Variants in ZFP91 observed in about 807,000 individuals in gnomAD.
The protein encoded by ZFP91 is E3 ubiquitin-protein ligase ZFP91.
A neutral mutation model predicts 63.5 loss-of-function variants in ZFP91; 7 were observed. The observed-to-expected ratio is 0.11, with a 90% confidence interval of 0.06 to 0.21. The LOEUF (loss-of-function observed/expected upper bound fraction) is 0.21. Among genes scored for constraint, ZFP91 ranks in the 10% least tolerant of loss-of-function variants. The pLI is 1.00. For synonymous variants in ZFP91, 330 were observed against 272.1 expected (o/e 1.21, Z -2.10); for missense variants, 628 against 736.6 (o/e 0.85, Z 1.71).
At chr11:58,610,372 G>A (rs759445112) in intron 4 of ZFP91, 38 bp downstream of exon 4, 81 of 1,542,428 alleles carry the variant, frequency 5.3e-5, no homozygotes, top group Non-Finnish European at 6.7e-5. Flanking sequence ...TAAACCTTTG[G>A]GGACATAGCA....
At position 58,585,270 on chromosome 11, in the gene ZFP91, GAATAATTA is replaced by G. The variant is rs1364037873; in HGVS notation, c.370+390_370+397del. The stretch of plus-strand genomic sequence containing the variant: ...GAGTGTTCTAAGAATTCAGCCTGGT[GAATAATTA>G]AATTAGGTCAATATTAGGTCATTTT... On this transcript the variant is annotated intron_variant, in intron 2 of 10. Coordinates refer to ENST00000316059, the MANE Select transcript of ZFP91 (RefSeq NM_053023.5). Among the ~76,000 whole-genome samples, 4 of 152,142 alleles carry G rather than the reference GAATAATTA, an allele frequency of 2.6e-5. No individual in the cohort carries two copies. In the East Asian group the frequency reaches 5.8e-4, roughly 22 times the overall value.
chr11:58,587,626 C>T (rs904048545), intron 2 of ZFP91, among the ~76,000 whole-genome samples: 1 of 152,096 alleles, frequency 6.6e-6, no homozygotes, highest in African/African-American at 2.4e-5. Flanking sequence ...TTTAACTTGG[C>T]TTTATGTTTT....
In ZFP91 at chr11:58,621,524, A is replaced by G. The variant is rs1350055770; in HGVS notation, c.*3818A>G. 6.6e-6 allele frequency among the ~76,000 whole-genome samples: 1 copy of G among 152,140 alleles called. No individual in the cohort carries two copies. Among genetic ancestry groups the G allele is most frequent in the Non-Finnish European group, 1.5e-5 (1 of 68,018 alleles). ...CTGTTACATCTCCCATTTATTGTTT[A>G]CTTTTATAAATTTGCTTCTAAGATG... is the stretch of plus-strand genomic sequence containing the variant. On this transcript the variant is annotated 3_prime_UTR_variant, in exon 11 of 11. Coordinates refer to ENST00000316059, the MANE Select transcript of ZFP91 (RefSeq NM_053023.5).
chr11:58,579,847 C>G (rs541400226), intron 1 of ZFP91, among the ~76,000 whole-genome samples: 25 of 152,198 alleles, frequency 1.6e-4, no homozygotes, highest in African/African-American at 5.8e-4. Flanking sequence ...CCCCACTCCC[C>G]GAAATCATCT....
chr11:58,597,544 T>G (rs1855422997), intron 2 of ZFP91, among the ~76,000 whole-genome samples: 2 of 152,190 alleles, frequency 1.3e-5, no homozygotes, highest in Admixed American at 1.3e-4. Context: ...CATTCTTTGC[T>G]GACATTAAAT....
At chr11:58,581,569 C>T (rs530950446) in intron 1 of ZFP91, among the ~76,000 whole-genome samples, 9 of 152,354 alleles carry the variant, frequency 5.9e-5, no homozygotes, top group East Asian at 1.9e-4. Context: ...CCATATTGGC[C>T]GGGTTGGTCT....
rs570378958 is a variant in ZFP91, at chr11:58,609,386, G to C, written c.371-444G>C. Among the ~76,000 whole-genome samples the C allele has an allele frequency of 4.6e-5, 7 of 152,270 alleles. No homozygotes were observed. In the South Asian group the frequency reaches 1.5e-3, roughly 32 times the overall value. ...ATTAGAGTGAAAAGTACTCCTGTTAGGAATTCCTCTTTAGTAATTTGTTAT... is the reference window on the plus strand; with the variant it reads ...ATTAGAGTGAAAAGTACTCCTGTTACGAATTCCTCTTTAGTAATTTGTTAT... On this transcript the variant is annotated intron_variant, in intron 2 of 10. Coordinates refer to ENST00000316059, the MANE Select transcript of ZFP91 (RefSeq NM_053023.5).
chr11:58,588,492 G>A (rs1855248865), intron 2 of ZFP91, among the ~76,000 whole-genome samples: 1 of 151,996 alleles, frequency 6.6e-6, no homozygotes, highest in South Asian at 2.1e-4. Flanking sequence ...CTAATTTATA[G>A]CTTATGCCTC....
Position 58,619,754 on chromosome 11 carries a change from G to C in ZFP91, c.*2048G>C, listed in dbSNP as rs561831876. 1 of 152,696 alleles carries C rather than the reference G, an allele frequency of 6.5e-6. No individual in the cohort carries two copies. The highest frequency in any genetic ancestry group is 1.5e-5 in the Non-Finnish European group (1 of 68,030). The allele number at this position is 152,696 out of a possible 1,614,324, so 9.5% of individuals were successfully genotyped here. A position where few individuals can be genotyped will look rare whatever the true frequency, so the allele number is the denominator to read the frequency against. ...TAGAAAATGGAATAAAGATAGAAGGGATGTAGAATATGCTTTCCTGCCAAC... is the reference window on the plus strand; with the variant it reads ...TAGAAAATGGAATAAAGATAGAAGGCATGTAGAATATGCTTTCCTGCCAAC... On this transcript the variant is annotated 3_prime_UTR_variant, in exon 11 of 11. Transcript: ENST00000316059.
At chr11:58,595,636 G>A (rs1565219018) in intron 2 of ZFP91, among the ~76,000 whole-genome samples, 1 of 150,582 alleles carries the variant, frequency 6.6e-6, no homozygotes, top group Non-Finnish European at 1.5e-5. Flanking sequence ...GGAATGCAGT[G>A]GTGCGATCTC....
At position 58,617,597 on chromosome 11, in the gene ZFP91, T is replaced by C. The variant is rs1371917628; in HGVS notation, c.1604T>C (p.Phe535Ser). 3 of 1,608,402 alleles carry C rather than the reference T, an allele frequency of 1.9e-6. No individual in the cohort carries two copies. The highest frequency in any genetic ancestry group is 1.7e-5 in the Admixed American group (1 of 59,166). ...RVSLMADGKI[F>S]VGSGSSGGTE... ...AGCCTGATGGCTGATGGGAAGATCT[T>C]TGTGGGAAGCGGCAGCAGTGGAGGC... The change falls in exon 11 of 11, where the codon TTT becomes TCT. Residue 535 changes from phenylalanine (F) to serine (S), a missense_variant. This residue lies in a region of ZFP91 where 115 missense variants were observed against 125.4 expected (regional missense o/e 0.92). Transcript: ENST00000316059. This position sits in a 1 kb window ranked among gnomAD's most constrained non-coding sequence, Gnocchi z 4.2.
rs1369805938 is a variant in ZFP91, at chr11:58,600,422, T to C, written c.371-9408T>C. The stretch of plus-strand genomic sequence containing the variant: ...ATGTTGGTCATATATTCTGGCACTT[T>C]GAATAAAGGTAATAATTATTTTCTT... On this transcript the variant is annotated intron_variant, in intron 2 of 10. Coordinates refer to ENST00000316059, the MANE Select transcript of ZFP91 (RefSeq NM_053023.5). Among the ~76,000 whole-genome samples, 5 of 152,164 alleles carry C rather than the reference T, an allele frequency of 3.3e-5. No individual in the cohort carries two copies. The East Asian group carries it at 5.8e-4, about 18-fold the overall frequency.
At chr11:58,592,931 G>GAGC (rs1446891436) in intron 2 of ZFP91, among the ~76,000 whole-genome samples, 1 of 152,158 alleles carries the variant, frequency 6.6e-6, no homozygotes, top group Non-Finnish European at 1.5e-5. Context: ...GGTGGAGGTG[G>GAGC]AGCAGGTGTG....
chr11:58,587,916 TAATA>T (rs945977992), intron 2 of ZFP91, among the ~76,000 whole-genome samples: 48 of 152,154 alleles, frequency 3.2e-4, no homozygotes, highest in African/African-American at 1.1e-3. Context: ...AATGGAATGA[TAATA>T]AATACTGTAG....
intron 9 of ZFP91, among the ~76,000 whole-genome samples, chr11:58,615,405 T>C (rs1565026101): frequency 6.6e-6 from 1 of 152,076 alleles, no homozygotes; most frequent in African/African-American, 2.4e-5. Flanking sequence ...CACTTTAGAT[T>C]GTTTTAGTTA....
intron 2 of ZFP91, among the ~76,000 whole-genome samples, chr11:58,604,842 A>G (rs906143088): frequency 2.0e-5 from 3 of 152,196 alleles, no homozygotes; most frequent in Non-Finnish European, 4.4e-5. Context: ...AGATTGGACA[A>G]CCAGGTCTAA....
intron 1 of ZFP91, among the ~76,000 whole-genome samples, chr11:58,583,710 G>A (rs1485116596): frequency 6.6e-6 from 1 of 152,048 alleles, no homozygotes; most frequent in Non-Finnish European, 1.5e-5. Flanking sequence ...GTTATGGTGT[G>A]TTAATTGGGA....
At chr11:58,601,934 T>C (rs886110409) in intron 2 of ZFP91, among the ~76,000 whole-genome samples, 2 of 152,218 alleles carry the variant, frequency 1.3e-5, no homozygotes, top group East Asian at 1.9e-4. Context: ...ATTTTTTTTT[T>C]CCCCCAAGAT....
intron 2 of ZFP91, among the ~76,000 whole-genome samples, chr11:58,606,309 C>T (rs560225767): frequency 8.5e-5 from 13 of 152,282 alleles, no homozygotes; most frequent in African/African-American, 2.9e-4. Context: ...TCAGGTGATC[C>T]GCCCACCTTG....
Sources: gnomAD v4.1 joint callset for allele counts (sites outside exome capture counted in the v4.1 genomes callset) on GRCh38, gnomAD v4.1.1 for gene constraint, gnomAD v4.1.1 regional missense constraint, Gnocchi (gnomAD v3.1) non-coding constraint, MANE v1.5 for transcripts, NCBI Gene and HGNC (gene_info 2026-07-23, HGNC 2026-07-21) for gene names.